TPO: variants seen among roughly 807,000 people sequenced by gnomAD.
The protein encoded by TPO is thyroid microsomal antigen.
Under a neutral mutation model 96.9 loss-of-function variants are expected in TPO, and 78 were observed. That is an observed-to-expected ratio of 0.81 (90% CI 0.67 to 0.97). TPO has a LOEUF of 0.97. TPO is among the 50% of genes least tolerant of loss of function. The pLI is 0.00. For synonymous variants in TPO, 547 were observed against 538.0 expected (o/e 1.02, Z -0.23); for missense variants, 1,252 against 1,274.8 (o/e 0.98, Z 0.27).
At chr2:1,501,437 C>T (rs1339976248) in intron 13 of TPO, among the ~76,000 whole-genome samples, 2 of 151,658 alleles carry the variant, frequency 1.3e-5, no homozygotes, top group Non-Finnish European at 2.9e-5. Flanking sequence ...TCCTGTCCAT[C>T]CTGGGAAGGA....
upstream of TPO, among the ~76,000 whole-genome samples, chr2:1,409,790 G>A (rs1662299901): frequency 1.9e-5 from 2 of 104,772 alleles, no homozygotes; most frequent in African/African-American, 7.6e-5. Context: ...AAAAAACAGT[G>A]CGCGCACACA....
intron 15 of TPO, among the ~76,000 whole-genome samples, chr2:1,523,751 C>G (rs527456834): frequency 8.5e-6 from 1 of 116,996 alleles, no homozygotes; most frequent in Non-Finnish European, 1.7e-5. Context: ...GCAACCCCCC[C>G]AAATACCGCC....
rs886054918 is a variant in TPO at position 1,493,994 on chromosome 2, C to T, written c.1961C>T (p.Ala654Val). 6.2e-7 allele frequency: 1 copy of T among 1,614,152 alleles called. No homozygotes were observed. ...LPRARTGPLFACLIGKQMKAL... is the reference protein window; with the variant it reads ...LPRARTGPLFVCLIGKQMKAL... ...AGGGCTCGGACAGGGCCCCTGTTTG[C>T]CTGTCTCATTGGGAAGCAGATGAAG... The change falls in exon 11 of 17, where the codon GCC becomes GTC. Residue 654 changes from alanine (A) to valine (V), a missense_variant. Ala to Val is a moderately conservative substitution (Grantham distance 64, BLOSUM62 0). Transcript: ENST00000329066.
chr2:1,478,926 T>C (rs967105817), intron 8 of TPO, among the ~76,000 whole-genome samples: 16 of 152,166 alleles, frequency 1.1e-4, no homozygotes, highest in African/African-American at 3.9e-4. Context: ...GAGTTCACTG[T>C]CCTAACACAC....
chr2:1,409,536 G>C (rs769367142), upstream of TPO, among the ~76,000 whole-genome samples: 1 of 152,184 alleles, frequency 6.6e-6, no homozygotes, highest in African/African-American at 2.4e-5. Flanking sequence ...CACCTGCTCA[G>C]TGTTAACTCT....
intron 7 of TPO, among the ~76,000 whole-genome samples, chr2:1,474,753 C>A (rs1669743011): frequency 6.6e-6 from 1 of 152,154 alleles, no homozygotes; most frequent in Non-Finnish European, 1.5e-5. Context: ...TCTCATCTCT[C>A]CTGCATGCCT....
At chr2:1,391,014 T>G (rs1427597911) in intron 1 of TPO, among the ~76,000 whole-genome samples, 1 of 152,218 alleles carries the variant, frequency 6.6e-6, no homozygotes, top group Admixed American at 6.5e-5. Flanking sequence ...TCTTTTGCTG[T>G]GCAGAAGCTC....
At chr2:1,413,123 A>T (rs1248149317), upstream of TPO, among the ~76,000 whole-genome samples, 1 of 152,218 alleles carries the variant, frequency 6.6e-6, no homozygotes, top group Non-Finnish European at 1.5e-5. Flanking sequence ...TCCTCGGAAG[A>T]TTAACAGCCC....
chr2:1,427,521 G>A (rs993577391), intron 3 of TPO, among the ~76,000 whole-genome samples: 7 of 152,150 alleles, frequency 4.6e-5, no homozygotes, highest in Non-Finnish European at 8.8e-5. Context: ...GGCACCCCTC[G>A]GACAGGGCAG....
intron 14 of TPO, among the ~76,000 whole-genome samples, chr2:1,506,490 A>G (rs1050697696): frequency 1.3e-5 from 2 of 152,228 alleles, no homozygotes; most frequent in Non-Finnish European, 2.9e-5. Flanking sequence ...ACTAGTTTAC[A>G]GTCCCACCAA....
intron 2 of TPO, among the ~76,000 whole-genome samples, chr2:1,420,787 T>A (rs1408696121): frequency 6.6e-6 from 1 of 152,078 alleles, no homozygotes; most frequent in Non-Finnish European, 1.5e-5. Context: ...GAGCTCCTTC[T>A]ACTAAGGCAG....
chr2:1,538,029 G>A (rs1425787260), intron 15 of TPO, among the ~76,000 whole-genome samples: 96 of 52,452 alleles, frequency 1.8e-3, no homozygotes, highest in African/African-American at 8.4e-3. Flanking sequence ...GCCACCTCAA[G>A]TCCCCCCACT....
intron 8 of TPO, chr2:1,477,931 C>T: frequency 1.0e-6 from 1 of 985,388 alleles, no homozygotes; most frequent in Non-Finnish European, 1.2e-6. Flanking sequence ...ACAACCACAG[C>T]CCCACAACAG....
At chr2:1,386,049 C>G (rs1661888885) in intron 1 of TPO, among the ~76,000 whole-genome samples, 1 of 152,082 alleles carries the variant, frequency 6.6e-6, no homozygotes, top group Non-Finnish European at 1.5e-5. Context: ...ATCCTGAGTT[C>G]TAGTTTGATT....
chr2:1,453,965 A>T (rs1213591757), intron 6 of TPO, 142 bp downstream of exon 6: 1 of 1,342,016 alleles, frequency 7.5e-7, no homozygotes, highest in African/African-American at 1.5e-5. Context: ...CCTTTGATGT[A>T]GCAATCACTG....
At position 1,487,803 on chromosome 2, in the gene TPO, G is replaced by A. The variant is rs368933052; in HGVS notation, c.1598-18G>A. 26 of 1,614,124 alleles carry A rather than the reference G, an allele frequency of 1.6e-5. No homozygotes were observed. Among genetic ancestry groups the A allele is most frequent in the South Asian group, 1.4e-4 (13 of 91,068 alleles). ...CTGAGCCAAGAGCTGTCCTTGCCTT[G>A]TGCATGGTATTTTCCAGGTGGTTTG... On this transcript the variant is annotated intron_variant, in intron 9 of 16. Transcript: ENST00000329066.
chr2:1,404,599 G>C (rs139677277), intron 1 of TPO, among the ~76,000 whole-genome samples: 1 of 152,156 alleles, frequency 6.6e-6, no homozygotes, highest in Non-Finnish European at 1.5e-5. Context: ...GTGTGAAGAC[G>C]CAGGGGAAGG....
chr2:1,410,851 T>A (rs1214908082), upstream of TPO, among the ~76,000 whole-genome samples: 1 of 152,120 alleles, frequency 6.6e-6, no homozygotes, highest in Non-Finnish European at 1.5e-5. Context: ...AGACGTGTAT[T>A]TTTTTCTTTC....
chr2:1,507,366 G>T (rs1673582589), intron 14 of TPO, among the ~76,000 whole-genome samples: 1 of 152,116 alleles, frequency 6.6e-6, no homozygotes, highest in African/African-American at 2.4e-5. Flanking sequence ...TGGCAATGTG[G>T]GCTCTTTTTT....
Sources: gnomAD v4.1 joint callset for allele counts (sites outside exome capture counted in the v4.1 genomes callset) on GRCh38, gnomAD v4.1.1 for gene constraint, MANE v1.5 for transcripts, NCBI Gene and HGNC (gene_info 2026-07-23, HGNC 2026-07-21) for gene names.